SRGAP2C: variants seen among roughly 807,000 people sequenced by gnomAD.
The protein encoded by SRGAP2C is SLIT-ROBO Rho GTPase-activating protein 2C.
Under a neutral mutation model 25.1 loss-of-function variants are expected in SRGAP2C, and 15 were observed. That is an observed-to-expected ratio of 0.60 (90% CI 0.40 to 0.92). The LOEUF is 0.92. Ranked by LOEUF, SRGAP2C falls within the 40% of genes least tolerant of loss-of-function variation. SRGAP2C has a pLI of 0.00. For synonymous variants in SRGAP2C, 44 were observed against 96.6 expected, an observed-to-expected ratio of 0.46 and a Z score of 3.19; for missense variants, 144 against 264.4, an observed-to-expected ratio of 0.54 and a Z score of 3.16.
intron 4 of SRGAP2C, among the ~76,000 whole-genome samples, chr1:121,354,322 CTTTCTTTT>C (rs1659003227): frequency 2.0e-5 from 1 of 49,484 alleles, no homozygotes; most frequent in South Asian, 5.4e-4. Context: ...TTCTTTCTTT[CTTTCTTTT>C]CTTTCTCTCT....
chr1:121,257,349 C>A (rs1553332701), intron 2 of SRGAP2C, among the ~76,000 whole-genome samples: 2 of 150,076 alleles, frequency 1.3e-5, no homozygotes, highest in Admixed American at 1.3e-4. Context: ...CTCTTGACCT[C>A]GTGATCCACC....
chr1:121,266,067 T>C (rs1405051685), intron 2 of SRGAP2C, among the ~76,000 whole-genome samples: 18 of 151,886 alleles, frequency 1.2e-4, no homozygotes, highest in African/African-American at 4.1e-4. Context: ...CTTTGCATCC[T>C]GGGTTCAAGT....
In SRGAP2C at chr1:121,244,001, G is replaced by T. The variant is rs868949311; in HGVS notation, c.68-40802G>T. 3.4e-5 allele frequency among the ~76,000 whole-genome samples: 5 copies of T among 146,634 alleles called. No homozygotes were observed. The East Asian group carries it at 1.0e-3, about 29-fold the overall frequency. On this transcript the variant is annotated intron_variant, in intron 2 of 9. Coordinates refer to ENST00000367123, the MANE Select transcript of SRGAP2C (RefSeq NM_001329984.2). Reference sequence around the variant, plus strand: ...TTTAGGGTTGGGAAGCATATTGACAGTATTGGAGGAAGGTGTTAGTTGCCA... The same window carrying T: ...TTTAGGGTTGGGAAGCATATTGACATTATTGGAGGAAGGTGTTAGTTGCCA...
chr1:121,287,543 TA>T lies in SRGAP2C; in HGVS notation c.260+2552del, dbSNP rs1174125879. ...TCTGTTGGTAATCTCATCCTAAATT[TA>T]AAATAGCATTTGATTTTTAGTACTA... is the stretch of plus-strand genomic sequence containing the variant. On this transcript the variant is annotated intron_variant, in intron 3 of 9. Transcript: ENST00000367123. Among the ~76,000 whole-genome samples the T allele has an allele frequency of 3.1e-4, 47 of 151,628 alleles. 2 individuals carry two copies. In the East Asian group the frequency reaches 9.2e-3, roughly 30 times the overall value.
At chr1:121,268,320 G>C (rs1465044712) in intron 2 of SRGAP2C, among the ~76,000 whole-genome samples, 2 of 150,566 alleles carry the variant, frequency 1.3e-5, no homozygotes, top group Non-Finnish European at 3.0e-5. Context: ...AAGGCCCTGA[G>C]GTGGGTGTTT....
At chr1:121,385,616 T>C (rs1382197093) in intron 8 of SRGAP2C, among the ~76,000 whole-genome samples, 11 of 151,800 alleles carry the variant, frequency 7.2e-5, no homozygotes, top group African/African-American at 1.5e-4. Context: ...ATGTGCCCAC[T>C]CTTTGCTGAG....
chr1:121,192,056 A>T (rs1654697050), intron 2 of SRGAP2C, among the ~76,000 whole-genome samples: 2 of 151,884 alleles, frequency 1.3e-5, no homozygotes, highest in South Asian at 4.2e-4. Flanking sequence ...AGAGCAGGAG[A>T]TGAAATTTAA....
chr1:121,363,935 C>G (rs1317126559), intron 4 of SRGAP2C, among the ~76,000 whole-genome samples: 2 of 151,738 alleles, frequency 1.3e-5, no homozygotes, highest in Non-Finnish European at 2.9e-5. Flanking sequence ...TTTCTAGTTT[C>G]CTTATTATAA....
In SRGAP2C at chr1:121,278,223, AG is replaced by A. The variant is rs1202419636; in HGVS notation, c.68-6576del. Among the ~76,000 whole-genome samples the A allele has an allele frequency of 3.7e-4, 56 of 152,040 alleles. 2 individuals are homozygous for A. The highest frequency in any genetic ancestry group is 6.5e-4 in the Non-Finnish European group (44 of 67,914). On this transcript the variant is annotated intron_variant, in intron 2 of 9. Transcript: ENST00000367123. ...CGGCTTCCCAAAGTCCTGGGATTACAGGGGTGAGCCACTGTGCCTGGCCTGT... is the reference window on the plus strand; with the variant it reads ...CGGCTTCCCAAAGTCCTGGGATTACAGGGTGAGCCACTGTGCCTGGCCTGT...
intron 4 of SRGAP2C, among the ~76,000 whole-genome samples, chr1:121,353,145 A>T (rs1347121542): frequency 2.1e-5 from 3 of 144,964 alleles, no homozygotes; most frequent in Non-Finnish European, 4.5e-5. Flanking sequence ...CACTGTTAAA[A>T]ACAACACTAA....
intron 2 of SRGAP2C, among the ~76,000 whole-genome samples, chr1:121,212,941 G>GTA (rs1379871957): frequency 2.2e-5 from 3 of 138,334 alleles, no homozygotes; most frequent in Non-Finnish European, 3.2e-5. Context: ...AAGTAAGCAG[G>GTA]TATATGGGGC....
At chr1:121,275,759 CT>C (rs1657094329) in intron 2 of SRGAP2C, among the ~76,000 whole-genome samples, 1 of 142,334 alleles carries the variant, frequency 7.0e-6, no homozygotes, top group African/African-American at 2.6e-5. Flanking sequence ...CATTTTTCTT[CT>C]TCTCTTTCCC....
intron 7 of SRGAP2C, among the ~76,000 whole-genome samples, chr1:121,376,994 G>T (rs1234999507): frequency 4.0e-5 from 6 of 151,398 alleles, no homozygotes; most frequent in Non-Finnish European, 7.4e-5. Flanking sequence ...GGGAAGGGAG[G>T]GGTTACTGCT....
intron 3 of SRGAP2C, among the ~76,000 whole-genome samples, chr1:121,297,670 G>C (rs1657625133): frequency 6.7e-6 from 1 of 148,328 alleles, no homozygotes; most frequent in Non-Finnish European, 1.5e-5. Context: ...AGCCCTGATA[G>C]TTAAGATCAC....
intron 3 of SRGAP2C, among the ~76,000 whole-genome samples, chr1:121,300,181 G>T: frequency 7.9e-6 from 1 of 126,092 alleles, no homozygotes; most frequent in African/African-American, 3.0e-5. Context: ...TTTTTGCGAT[G>T]CTGTAAATAA....
chr1:121,222,779 A>G (rs1553325909), intron 2 of SRGAP2C, among the ~76,000 whole-genome samples: 3 of 152,154 alleles, frequency 2.0e-5, no homozygotes, highest in African/African-American at 7.2e-5. Context: ...GTTTTCATTT[A>G]TGCAGACAGA....
chr1:121,257,263 G>T (rs868955727), intron 2 of SRGAP2C, among the ~76,000 whole-genome samples: 1 of 144,286 alleles, frequency 6.9e-6, no homozygotes, highest in African/African-American at 2.6e-5. Context: ...CTACAGGCAC[G>T]CATCGCCATG....
intron 2 of SRGAP2C, among the ~76,000 whole-genome samples, chr1:121,253,972 G>T (rs1165984869): frequency 6.6e-6 from 1 of 151,776 alleles, no homozygotes; most frequent in African/African-American, 2.4e-5. Context: ...GAGTGCAGTG[G>T]CACGATCTCG....
intron 2 of SRGAP2C, among the ~76,000 whole-genome samples, chr1:121,274,379 GC>G (rs1428178821): frequency 1.3e-5 from 2 of 150,718 alleles, no homozygotes; most frequent in Non-Finnish European, 3.0e-5. Context: ...CCAGTAGGAT[GC>G]TTTGTAGGCA....
Sources: allele counts gnomAD v4.1 joint callset (sites outside exome capture counted in the v4.1 genomes callset), GRCh38; gene constraint gnomAD v4.1.1; transcripts MANE v1.5; gene names NCBI Gene and HGNC (gene_info 2026-07-23, HGNC 2026-07-21).